The following DPP9 variants were observed in gnomAD, a reference collection of about 807,000 sequenced individuals.
The protein encoded by DPP9 is dipeptidyl peptidase 9, also known as dipeptidyl peptidase IV-related protein-2.
DPP9 carries 50 observed loss-of-function variants against 110.7 expected under a neutral mutation model. That is an observed-to-expected ratio of 0.45 (90% CI 0.36 to 0.57). DPP9 has a LOEUF of 0.57. Among genes scored for constraint, DPP9 ranks in the 20% least tolerant of loss-of-function variants. DPP9 has a pLI of 0.00. For missense variants in DPP9, 1,022 were observed against 1,217.9 expected (o/e 0.84, Z 2.39); for synonymous variants, 561 against 514.4 (o/e 1.09, Z -1.23).
In DPP9 at chr19:4,676,291, C is replaced by T; in HGVS notation, c.*273G>A. The T allele has an allele frequency of 2.0e-6, 1 of 497,598 alleles. No individual in the cohort carries two copies. 30.8% of individuals were successfully genotyped at this position (497,598 alleles called of 1,614,324 possible). A position where few individuals can be genotyped will look rare whatever the true frequency, so the allele number is the denominator to read the frequency against. ...CCAGTGCCCATCAGCGTGTGACCTC[C>T]TCCTCCCAGAAGGCGGGGAGAGGAG... On this transcript the variant is annotated 3_prime_UTR_variant, in exon 22 of 22. Coordinates refer to ENST00000262960, the MANE Select transcript of DPP9 (RefSeq NM_139159.5). This position sits in a 1 kb window ranked among gnomAD's most constrained non-coding sequence, Gnocchi z 4.0.
chr19:4,714,874 C>A (rs1268338260), intron 3 of DPP9, among the ~76,000 whole-genome samples: 2 of 152,100 alleles, frequency 1.3e-5, no homozygotes. Flanking sequence ...ATCCCTGTGA[C>A]CCAGCCAAAT....
rs747351796 is a variant in DPP9, at chr19:4,714,172, C to T, written c.222G>A (p.Ser74=). Residue 74 remains serine (S), a synonymous_variant, in exon 4 of 22, where the codon TCG becomes TCA. Coordinates refer to ENST00000262960, the MANE Select transcript of DPP9 (RefSeq NM_139159.5). Reference sequence around the variant, plus strand: ...GGGGCGCCTTGTTGACAATGAGGCCCGAGTACTTGCGGCTGCCGTGGATGA... The same window carrying T: ...GGGGCGCCTTGTTGACAATGAGGCCTGAGTACTTGCGGCTGCCGTGGATGA... The part of the protein sequence containing the change: ...RSIIHGSRKY[S]GLIVNKAPHD... 13 of 1,612,310 alleles carry T rather than the reference C, an allele frequency of 8.1e-6. No individual in the cohort carries two copies. The highest frequency in any genetic ancestry group is 1.7e-5 in the Admixed American group (1 of 59,840).
rs767531854 is a variant in DPP9, at chr19:4,704,164, G to A, written c.567C>T (p.Phe189=). 2.5e-6 allele frequency: 4 copies of A among 1,614,012 alleles called. No homozygotes were observed. Among genetic ancestry groups the A allele is most frequent in the South Asian group, 2.2e-5 (2 of 91,088 alleles). The change falls in exon 6 of 22, where the codon TTC becomes TTT. Residue 189 remains phenylalanine (F), a synonymous_variant. Coordinates refer to ENST00000262960, the MANE Select transcript of DPP9 (RefSeq NM_139159.5). This position sits in a 1 kb window ranked among gnomAD's most constrained non-coding sequence, Gnocchi z 6.0. ...LFLFQASNSL[F]HCRDGGKNGF... ...CGTTCTTGCCGCCGTCGCGGCAGTG[G>A]AAGAGGCTGTTGCTGGCCTGGAAGA...
In DPP9 at chr19:4,690,792, T is replaced by C. The variant is rs143690219; in HGVS notation, c.1596+86A>G. ...GAGTATGTGTGTGAGTGTATGTGTG[T>C]GTATGCGCGTGCGTGTGTGTGTGAG... On this transcript the variant is annotated intron_variant, in intron 14 of 21. Transcript: ENST00000262960. 36 of 997,836 alleles carry C rather than the reference T, an allele frequency of 3.6e-5. 1 individual carries two copies. In the African/African-American group the frequency reaches 4.3e-4, roughly 12 times the overall value. 61.8% of individuals were successfully genotyped at this position (997,836 alleles called of 1,614,324 possible).
chr19:4,718,893 C>G lies in DPP9; in HGVS notation c.56+958G>C, dbSNP rs773390126. Among the ~76,000 whole-genome samples the G allele has an allele frequency of 2.0e-5, 3 of 152,070 alleles. No individual in the cohort carries two copies. The highest frequency in any genetic ancestry group is 7.2e-5 in the African/African-American group (3 of 41,394). On this transcript the variant is annotated intron_variant, in intron 3 of 21. Transcript: ENST00000262960. The surrounding 1 kb of genome is among the most constrained non-coding windows in gnomAD (Gnocchi z 4.3). ...AGAAAATTGAATACTGAGAAAGGTT[C>G]GCAGGGTCGAGGAATTCCTACCGCC...
At position 4,700,988 on chromosome 19, in the gene DPP9, G is replaced by C. The variant is rs769336458; in HGVS notation, c.1013-711C>G. On this transcript the variant is annotated intron_variant, in intron 9 of 21. Transcript: ENST00000262960. This position sits in a 1 kb window ranked among gnomAD's most constrained non-coding sequence, Gnocchi z 4.3. ...ACTTAGCTCATTTGCAGTGGGAGTT[G>C]GAAAGACCGTACAGGAAGCTTCCAT... 6.6e-6 allele frequency among the ~76,000 whole-genome samples: 1 copy of C among 152,158 alleles called. No homozygotes were observed. Among genetic ancestry groups the C allele is most frequent in the Non-Finnish European group, 1.5e-5 (1 of 68,024 alleles).
In DPP9 at chr19:4,688,854, G is replaced by A; in HGVS notation, c.1788C>T (p.Ser596=). 6.6e-7 allele frequency: 1 copy of A among 1,517,240 alleles called. No individual in the cohort carries two copies. The highest frequency in any genetic ancestry group is 8.7e-7 in the Non-Finnish European group (1 of 1,146,578). 94.0% of individuals were successfully genotyped at this position (1,517,240 alleles called of 1,614,324 possible). A position where few individuals can be genotyped will look rare whatever the true frequency, so the allele number is the denominator to read the frequency against. The change falls in exon 16 of 22, where the codon AGC becomes AGT. Residue 596 remains serine (S), a synonymous_variant. Transcript: ENST00000262960. ...TGTAGACGTGCACGCAGGGCGGCGT[G>A]CTCACGCTGCTGTAGTGGCTGACGA... ...DMFVSHYSSV[S]TPPCVHVYKL...
At position 4,695,629 on chromosome 19, in the gene DPP9, C is replaced by G; in HGVS notation, c.1176-74G>C. Reference sequence around the variant, plus strand: ...GTGGCCTGCACAGAGAAGCTGGGGACGCAGCGTCCAAACCCGTGTGGAATC... The same window carrying G: ...GTGGCCTGCACAGAGAAGCTGGGGAGGCAGCGTCCAAACCCGTGTGGAATC... On this transcript the variant is annotated intron_variant, in intron 11 of 21. Coordinates refer to ENST00000262960, the MANE Select transcript of DPP9 (RefSeq NM_139159.5). The surrounding 1 kb of genome is among the most constrained non-coding windows in gnomAD (Gnocchi z 4.7). 1 of 1,312,840 alleles carries G rather than the reference C, an allele frequency of 7.6e-7. No individual in the cohort carries two copies. Among genetic ancestry groups the G allele is most frequent in the East Asian group, 2.9e-5 (1 of 34,314 alleles). The allele number at this position is 1,312,840 out of a possible 1,614,324, so 81.3% of individuals were successfully genotyped here.
At position 4,690,804 on chromosome 19, in the gene DPP9, CGTGT is replaced by C. The variant is rs909836246; in HGVS notation, c.1596+70_1596+73del. ...GAGTGTATGTGTGTGTATGCGCGTGCGTGTGTGTGTGAGTGTATGTGTGTAAAAC... is the reference window on the plus strand; with the variant it reads ...GAGTGTATGTGTGTGTATGCGCGTGCGTGTGTGAGTGTATGTGTGTAAAAC... On this transcript the variant is annotated intron_variant, in intron 14 of 21. Transcript: ENST00000262960. 58 of 1,136,562 alleles carry C rather than the reference CGTGT, an allele frequency of 5.1e-5. No individual in the cohort carries two copies. In the East Asian group the frequency reaches 6.2e-4, roughly 12 times the overall value. The allele number at this position is 1,136,562 out of a possible 1,614,324, so 70.4% of individuals were successfully genotyped here.
chr19:4,685,109 C>T lies in DPP9; in HGVS notation c.2032-300G>A, dbSNP rs931069411. ...GATGGACATTGGGGTGGCTCCTTCT[C>T]GGGTGGGGCCATCTGGGCACTGCGG... On this transcript the variant is annotated intron_variant, in intron 17 of 21. Coordinates refer to ENST00000262960, the MANE Select transcript of DPP9 (RefSeq NM_139159.5). The surrounding 1 kb of genome is among the most constrained non-coding windows in gnomAD (Gnocchi z 5.8). 1.5e-5 allele frequency: 9 copies of T among 593,382 alleles called. No individual in the cohort carries two copies. Among genetic ancestry groups the T allele is most frequent in the Non-Finnish European group, 1.6e-5 (5 of 315,450 alleles). The allele number at this position is 593,382 out of a possible 1,614,324, so 36.8% of individuals were successfully genotyped here.
At chr19:4,703,318 C>T (rs1271242877) in intron 7 of DPP9, among the ~76,000 whole-genome samples, 32 of 152,064 alleles carry the variant, frequency 2.1e-4, no homozygotes, top group Admixed American at 1.6e-3. Context: ...GCTGGGCTGA[C>T]GCCTGCAGCA....
intron 2 of DPP9, 77 bp from the exon 3 acceptor site, chr19:4,720,018 C>CA: frequency 8.2e-7 from 1 of 1,215,746 alleles, no homozygotes; most frequent in Non-Finnish European, 1.1e-6. Flanking sequence ...CCCCCTTCGC[C>CA]CCCTCCTCAT....
intron 3 of DPP9, among the ~76,000 whole-genome samples, chr19:4,714,579 G>A (rs187851878): frequency 1.6e-4 from 25 of 152,100 alleles, no homozygotes; most frequent in Admixed American, 5.2e-4. Context: ...TTTTGGAGAT[G>A]GGGGTCTCAA....
rs934299293 is a variant in DPP9, at chr19:4,698,462, C to G, written c.1075-811G>C. ...AGAGTGCAAGGAGCCACTAAAACAG[C>G]CTGGCGGGGCCAGGTGCGGTGGCTC... On this transcript the variant is annotated intron_variant, in intron 10 of 21. Transcript: ENST00000262960. This position sits in a 1 kb window ranked among gnomAD's most constrained non-coding sequence, Gnocchi z 4.2. Among the ~76,000 whole-genome samples, 12 of 152,190 alleles carry G rather than the reference C, an allele frequency of 7.9e-5. No homozygotes were observed. Among genetic ancestry groups the G allele is most frequent in the African/African-American group, 2.9e-4 (12 of 41,452 alleles).
chr19:4,681,627 C>T (rs1009882044), intron 20 of DPP9, among the ~76,000 whole-genome samples: 2 of 152,050 alleles, frequency 1.3e-5, no homozygotes, highest in Non-Finnish European at 2.9e-5. Context: ...TGCAGTGGCA[C>T]GATGTTCGCT....
rs767081230 is a variant in DPP9, at chr19:4,722,559, G to A, written c.-88-8C>T. 1 of 703,060 alleles carries A rather than the reference G, an allele frequency of 1.4e-6. No individual in the cohort carries two copies. The highest frequency in any genetic ancestry group is 1.5e-5 in the South Asian group (1 of 67,594). The allele number at this position is 703,060 out of a possible 1,614,324, so 43.6% of individuals were successfully genotyped here. A position where few individuals can be genotyped will look rare whatever the true frequency, so the allele number is the denominator to read the frequency against. ...CAGGCGTGGGACACAGACCTTTATA[G>A]GATAAACATGTCATGAATGTGGCAG... On this transcript the variant is annotated splice_polypyrimidine_tract_variant and splice_region_variant and intron_variant, in intron 1 of 21. Coordinates refer to ENST00000262960, the MANE Select transcript of DPP9 (RefSeq NM_139159.5).
chr19:4,690,941 G>T lies in DPP9; in HGVS notation c.1533C>A (p.Pro511=), dbSNP rs1376835762. The T allele has an allele frequency of 6.2e-7, 1 of 1,612,962 alleles. No individual in the cohort carries two copies. The highest frequency in any genetic ancestry group is 2.2e-5 in the East Asian group (1 of 44,868). Residue 511 remains proline, a synonymous_variant, in exon 14 of 22, where the codon CCC becomes CCA. Transcript: ENST00000262960. ...TGGTCAGAGCAATCTCTTCCTTAAT[G>T]GGGCACTTAAATTCATCTGGAAAGA... ...FSPGEDEFKC[P]IKEEIALTSG... is the part of the protein sequence containing the mutation.
At position 4,694,017 on chromosome 19, in the gene DPP9, A is replaced by C. The variant is rs1007215196; in HGVS notation, c.1516+644T>G. ...CCTCATGCCCTCCCGTTGTAGAAAG[A>C]AGGCCCCTCACCCTCAAGCCTCTCG... On this transcript the variant is annotated intron_variant, in intron 13 of 21. Transcript: ENST00000262960. The surrounding 1 kb of genome is among the most constrained non-coding windows in gnomAD (Gnocchi z 4.0). 1.3e-5 allele frequency among the ~76,000 whole-genome samples: 2 copies of C among 152,014 alleles called. No homozygotes were observed.
At chr19:4,696,827 A>G (rs1187834296) in intron 11 of DPP9, among the ~76,000 whole-genome samples, 5 of 152,222 alleles carry the variant, frequency 3.3e-5, no homozygotes, top group Non-Finnish European at 7.3e-5. Context: ...GCAGCAGCAC[A>G]TAATAGAATT....
Sources: gnomAD v4.1 joint callset for allele counts (sites outside exome capture counted in the v4.1 genomes callset) on GRCh38, gnomAD v4.1.1 for gene constraint, Gnocchi (gnomAD v3.1) non-coding constraint, MANE v1.5 for transcripts, NCBI Gene and HGNC (gene_info 2026-07-23, HGNC 2026-07-21) for gene names.